The following SFRP1 variants were observed in gnomAD, a reference collection of about 807,000 sequenced individuals.
The protein encoded by SFRP1 is secreted frizzled related protein 1, also known as secreted frizzled-related protein 1.
Under a neutral mutation model 25.9 loss-of-function variants are expected in SFRP1, and 9 were observed. The observed-to-expected ratio is 0.35, with a 90% CI of 0.21 to 0.61. SFRP1 has a LOEUF of 0.61. Ranked by LOEUF, SFRP1 falls within the 20% of genes least tolerant of loss-of-function variation. SFRP1 has a pLI of 0.78. For missense variants in SFRP1, 346 were observed against 418.2 expected (o/e 0.83, Z 1.51); for synonymous variants, 178 against 174.0 (o/e 1.02, Z -0.18).
chr8:41,275,839 T>C (rs1803565290), intron 2 of SFRP1, among the ~76,000 whole-genome samples: 1 of 152,198 alleles, frequency 6.6e-6, no homozygotes, highest in Non-Finnish European at 1.5e-5. Context: ...CTTGATCTTC[T>C]GGGCGCAAGT....
chr8:41,272,635 AT>A (rs1260823265), intron 2 of SFRP1, among the ~76,000 whole-genome samples: 1 of 152,136 alleles, frequency 6.6e-6, no homozygotes, highest in Admixed American at 6.5e-5. Context: ...TATTTTTTAA[AT>A]TTTTTTTAAA....
At chr8:41,296,105 C>T (rs1803840669) in intron 2 of SFRP1, among the ~76,000 whole-genome samples, 1 of 109,862 alleles carries the variant, frequency 9.1e-6, no homozygotes, top group African/African-American at 3.9e-5. Flanking sequence ...TCTTGGTCAC[C>T]CAGCCAGACA....
chr8:41,288,107 C>T (rs1803729606), intron 2 of SFRP1, among the ~76,000 whole-genome samples: 1 of 152,032 alleles, frequency 6.6e-6, no homozygotes, highest in Non-Finnish European at 1.5e-5. Flanking sequence ...CCTGTAATCT[C>T]AGCACTTTGG....
At position 41,309,266 on chromosome 8, in the gene SFRP1, C is replaced by A; in HGVS notation, c.-107G>T. The A allele has an allele frequency of 8.5e-7, 1 of 1,183,328 alleles. No homozygotes were observed. The highest frequency in any genetic ancestry group is 1.1e-6 in the Non-Finnish European group (1 of 948,546). 73.3% of individuals were successfully genotyped at this position (1,183,328 alleles called of 1,614,324 possible). A position where few individuals can be genotyped will look rare whatever the true frequency, so the allele number is the denominator to read the frequency against. ...GACCTCCGGGGACAAAAGGCGCAGT[C>A]CCCAGCGTTGCCCGGCTCCGCGGCC... On this transcript the variant is annotated 5_prime_UTR_variant, in exon 1 of 3. Transcript: ENST00000220772.
chr8:41,293,398 T>C (rs898044321), intron 2 of SFRP1, among the ~76,000 whole-genome samples: 1 of 152,038 alleles, frequency 6.6e-6, no homozygotes, highest in Admixed American at 6.5e-5. Context: ...GCGAAGCGAG[T>C]TGTTATAACT....
At chr8:41,278,328 C>T (rs1371829903) in intron 2 of SFRP1, among the ~76,000 whole-genome samples, 3 of 152,200 alleles carry the variant, frequency 2.0e-5, no homozygotes, top group African/African-American at 7.2e-5. Context: ...TCAGCAGACC[C>T]CAGCTGACCA....
At chr8:41,278,176 C>T (rs367556671) in intron 2 of SFRP1, among the ~76,000 whole-genome samples, 2 of 152,248 alleles carry the variant, frequency 1.3e-5, no homozygotes, top group African/African-American at 2.4e-5. Context: ...CAAGACACAG[C>T]GGAGTAGGGC....
At chr8:41,299,687 C>G in intron 2 of SFRP1, among the ~76,000 whole-genome samples, 1 of 123,222 alleles carries the variant, frequency 8.1e-6, no homozygotes, top group African/African-American at 3.3e-5. Flanking sequence ...AAAAAAAATT[C>G]CAACATCCAC....
chr8:41,296,022 G>A (rs932433518), intron 2 of SFRP1, among the ~76,000 whole-genome samples: 1 of 152,220 alleles, frequency 6.6e-6, no homozygotes, highest in Non-Finnish European at 1.5e-5. Context: ...AGCAGTAAGA[G>A]GCACTCAAAC....
At chr8:41,288,913 G>A (rs1293894167) in intron 2 of SFRP1, among the ~76,000 whole-genome samples, 1 of 152,172 alleles carries the variant, frequency 6.6e-6, no homozygotes, top group Non-Finnish European at 1.5e-5. Context: ...GCAAATGCGG[G>A]GATCAGCCCA....
chr8:41,300,368 G>T (rs1803899416), intron 2 of SFRP1, among the ~76,000 whole-genome samples: 1 of 152,200 alleles, frequency 6.6e-6, no homozygotes, highest in African/African-American at 2.4e-5. Flanking sequence ...TAGGGGCAAA[G>T]AAATCCTTTT....
chr8:41,304,257 T>A (rs1803965035), intron 1 of SFRP1, among the ~76,000 whole-genome samples: 2 of 152,132 alleles, frequency 1.3e-5, no homozygotes, highest in Admixed American at 6.5e-5. Flanking sequence ...GCAGCTCCAC[T>A]GCCTGGGAGG....
chr8:41,309,312 C>A lies in SFRP1; in HGVS notation c.-153G>T. On this transcript the variant is annotated 5_prime_UTR_variant, in exon 1 of 3. Coordinates refer to ENST00000220772, the MANE Select transcript of SFRP1 (RefSeq NM_003012.5). ...CGGCCGCAAGCTGCTGCCCGGTCCC[C>A]CCGGCCAGTGGCGGCCCTCGGCCTG... is the stretch of plus-strand genomic sequence containing the variant. 2.1e-6 allele frequency: 2 copies of A among 931,586 alleles called. No homozygotes were observed. The highest frequency in any genetic ancestry group is 5.3e-5 in the South Asian group (1 of 18,750). 57.7% of individuals were successfully genotyped at this position (931,586 alleles called of 1,614,324 possible).
intron 2 of SFRP1, among the ~76,000 whole-genome samples, chr8:41,296,811 C>T (rs1266263755): frequency 6.6e-6 from 1 of 152,144 alleles, no homozygotes; most frequent in Non-Finnish European, 1.5e-5. Context: ...CTAAAAAACA[C>T]ACAAATGAAA....
At chr8:41,282,081 T>C (rs1803640788) in intron 2 of SFRP1, among the ~76,000 whole-genome samples, 1 of 152,218 alleles carries the variant, frequency 6.6e-6, no homozygotes, top group Non-Finnish European at 1.5e-5. Flanking sequence ...AGGACTGGGT[T>C]GCTAAGGGCC....
chr8:41,290,985 C>A (rs1201840889), intron 2 of SFRP1, among the ~76,000 whole-genome samples: 1 of 137,164 alleles, frequency 7.3e-6, no homozygotes, highest in Admixed American at 8.0e-5. Flanking sequence ...CGGCTCACTG[C>A]AAGCTCCACC....
chr8:41,294,798 G>A (rs923233419), intron 2 of SFRP1, among the ~76,000 whole-genome samples: 1 of 151,972 alleles, frequency 6.6e-6, no homozygotes, highest in Non-Finnish European at 1.5e-5. Flanking sequence ...CACATGCACC[G>A]AGATCCCAAC....
At chr8:41,281,730 T>C (rs1390915218) in intron 2 of SFRP1, among the ~76,000 whole-genome samples, 3 of 152,212 alleles carry the variant, frequency 2.0e-5, no homozygotes, top group African/African-American at 2.4e-5. Context: ...GGAGCTGCAA[T>C]GCTGTGTGCA....
intron 2 of SFRP1, among the ~76,000 whole-genome samples, chr8:41,273,893 A>G (rs1330937398): frequency 6.6e-6 from 1 of 152,162 alleles, no homozygotes; most frequent in Non-Finnish European, 1.5e-5. Context: ...CCACCCAATC[A>G]GCTGCGAGGG....
Sources: allele counts gnomAD v4.1 joint callset (sites outside exome capture counted in the v4.1 genomes callset), GRCh38; gene constraint gnomAD v4.1.1; transcripts MANE v1.5; gene names NCBI Gene and HGNC (gene_info 2026-07-23, HGNC 2026-07-21).